The following CTNND2 variants were observed in gnomAD, a reference collection of about 807,000 sequenced individuals.
The protein encoded by CTNND2 is catenin delta 2.
Under a neutral mutation model 144.4 loss-of-function variants are expected in CTNND2, and 22 were observed. The ratio of observed to expected loss-of-function variants is 0.15; its 90% CI spans 0.11 to 0.22. The LOEUF (loss-of-function observed/expected upper bound fraction) is 0.22. Ranked by LOEUF, CTNND2 falls within the 10% of genes least tolerant of loss-of-function variation. The pLI, the probability that CTNND2 is intolerant of heterozygous loss-of-function variation, is 1.00. For synonymous variants in CTNND2, 751 were observed against 695.6 expected, an observed-to-expected ratio of 1.08 and a Z score of -1.25; for missense variants, 1,353 against 1,618.8, an observed-to-expected ratio of 0.84 and a Z score of 2.82.
At chr5:11,880,656 A>AC (rs1339370390) in intron 1 of CTNND2, among the ~76,000 whole-genome samples, 26 of 128,550 alleles carry the variant, frequency 2.0e-4, no homozygotes, top group African/African-American at 6.4e-4. Context: ...CACTACTACT[A>AC]TCACCACTAC....
chr5:11,048,164 T>C (rs1745473882), intron 16 of CTNND2, among the ~76,000 whole-genome samples: 1 of 152,086 alleles, frequency 6.6e-6, no homozygotes, highest in African/African-American at 2.4e-5. Flanking sequence ...CTGGCCTGGA[T>C]CAAGGTCCAT....
chr5:11,429,448 G>A (rs572959542), intron 3 of CTNND2, among the ~76,000 whole-genome samples: 15 of 151,910 alleles, frequency 9.9e-5, no homozygotes, highest in South Asian at 2.1e-4. Flanking sequence ...TGTTTAAGGC[G>A]CCGGGGCAGA....
chr5:11,173,161 G>A (rs1049295474), intron 11 of CTNND2, among the ~76,000 whole-genome samples: 4 of 152,200 alleles, frequency 2.6e-5, no homozygotes, highest in Non-Finnish European at 4.4e-5. Flanking sequence ...CGAACTTCCC[G>A]GGTACCCGTG....
chr5:11,075,292 G>A (rs1748822999), intron 16 of CTNND2, among the ~76,000 whole-genome samples: 1 of 152,176 alleles, frequency 6.6e-6, no homozygotes, highest in South Asian at 2.1e-4. Flanking sequence ...GGGAGAGAAG[G>A]CATTGGCTGG....
chr5:11,397,347 C>A (rs1367242835), intron 5 of CTNND2, 144 bp from the exon 6 acceptor site: 1 of 633,198 alleles, frequency 1.6e-6, no homozygotes, highest in East Asian at 3.1e-5. Flanking sequence ...CTAAAATGAC[C>A]ATATAATTTG....
At chr5:11,466,961 C>T (rs1766741137) in intron 3 of CTNND2, among the ~76,000 whole-genome samples, 1 of 152,222 alleles carries the variant, frequency 6.6e-6, no homozygotes, top group Non-Finnish European at 1.5e-5. Flanking sequence ...CCCAGGATAA[C>T]AAGTATTGTG....
chr5:11,145,010 C>A (rs1757110383), intron 12 of CTNND2, among the ~76,000 whole-genome samples: 1 of 151,990 alleles, frequency 6.6e-6, no homozygotes, highest in Non-Finnish European at 1.5e-5. Flanking sequence ...CTATGCCAAG[C>A]AATTTATGTG....
intron 9 of CTNND2, among the ~76,000 whole-genome samples, chr5:11,268,242 G>C (rs1296274708): frequency 3.9e-5 from 6 of 152,268 alleles, no homozygotes; most frequent in African/African-American, 1.4e-4. Flanking sequence ...AGTTTAAATA[G>C]TAATTTCAGT....
Position 10,981,823 on chromosome 5 carries a change from A to C in CTNND2, c.3367T>G (p.Leu1123Val). 6.2e-7 allele frequency: 1 copy of C among 1,613,986 alleles called. No homozygotes were observed. Among genetic ancestry groups the C allele is most frequent in the Non-Finnish European group, 8.5e-7 (1 of 1,179,906 alleles). Residue 1123 changes from leucine (L) to valine (V), a missense_variant, in exon 21 of 22, where the codon TTG becomes GTG. By Grantham distance (32) the Leu-to-Val change is conservative. Transcript: ENST00000304623. ...MTAQNTGIST[L>V]YRNSYGAPAE... ...GGCGCACCATAAGAATTCCTATACA[A>C]AGTTGAAATTCCAGTGTTTTGAGCT... is the stretch of plus-strand genomic sequence containing the variant.
Position 11,349,339 on chromosome 5 carries a change from G to A in CTNND2, c.1373-2712C>T, listed in dbSNP as rs1755105660. Among the ~76,000 whole-genome samples, 3 of 152,238 alleles carry A rather than the reference G, an allele frequency of 2.0e-5. No homozygotes were observed. In the South Asian group the frequency reaches 6.2e-4, roughly 32 times the overall value. On this transcript the variant is annotated intron_variant, in intron 8 of 21. Coordinates refer to ENST00000304623, the MANE Select transcript of CTNND2 (RefSeq NM_001332.4). Reference sequence around the variant, plus strand: ...TTTTGAGTGCTGGGCTCTGTTGTAAGTGCTTTATTTGTATAAATTCATGTT... The same window carrying A: ...TTTTGAGTGCTGGGCTCTGTTGTAAATGCTTTATTTGTATAAATTCATGTT...
intron 1 of CTNND2, among the ~76,000 whole-genome samples, chr5:11,844,499 A>G (rs1794641721): frequency 6.6e-6 from 1 of 152,152 alleles, no homozygotes; most frequent in African/African-American, 2.4e-5. Context: ...ATTAAAATGA[A>G]AGCAATCATC....
intron 3 of CTNND2, among the ~76,000 whole-genome samples, chr5:11,508,909 T>C (rs1220888730): frequency 6.7e-6 from 1 of 148,610 alleles, no homozygotes; most frequent in African/African-American, 2.5e-5. Context: ...AGACTCGTTT[T>C]CAAAAAAAAA....
At chr5:10,990,320 C>CTGT (rs1182412413) in intron 19 of CTNND2, among the ~76,000 whole-genome samples, 1 of 152,212 alleles carries the variant, frequency 6.6e-6, no homozygotes, top group East Asian at 1.9e-4. Context: ...GATTGGGGTT[C>CTGT]TGTTGCTTGG....
At chr5:11,197,378 A>AT (rs1561006104) in intron 11 of CTNND2, among the ~76,000 whole-genome samples, 1 of 152,242 alleles carries the variant, frequency 6.6e-6, no homozygotes, top group Admixed American at 6.5e-5. Flanking sequence ...AAAAGACAGC[A>AT]TTTCGTCTAG....
intron 2 of CTNND2, among the ~76,000 whole-genome samples, chr5:11,669,026 T>C (rs1581695965): frequency 6.6e-6 from 1 of 152,196 alleles, no homozygotes; most frequent in African/African-American, 2.4e-5. Flanking sequence ...GATAATCATG[T>C]GGTTTTTGTC....
intron 12 of CTNND2, among the ~76,000 whole-genome samples, chr5:11,122,152 T>C (rs1432791192): frequency 2.0e-5 from 3 of 151,932 alleles, no homozygotes; most frequent in African/African-American, 7.3e-5. Context: ...AGAATAAATA[T>C]CAGATGTTTG....
intron 10 of CTNND2, among the ~76,000 whole-genome samples, chr5:11,218,221 G>A (rs1283631096): frequency 6.6e-6 from 1 of 152,066 alleles, no homozygotes; most frequent in Admixed American, 6.6e-5. Flanking sequence ...GGTAGCATCA[G>A]GGAAATATTT....
chr5:11,242,932 A>C (rs1742605998), intron 9 of CTNND2, among the ~76,000 whole-genome samples: 1 of 152,218 alleles, frequency 6.6e-6, no homozygotes, highest in Non-Finnish European at 1.5e-5. Context: ...TAAAATGCCA[A>C]AATAAAATAA....
intron 2 of CTNND2, among the ~76,000 whole-genome samples, chr5:11,662,788 A>G (rs1783345172): frequency 6.6e-6 from 1 of 152,122 alleles, no homozygotes. Flanking sequence ...GGGCAGTTTC[A>G]TCCCCAAAAC....
Sources: allele counts gnomAD v4.1 joint callset (sites outside exome capture counted in the v4.1 genomes callset), GRCh38; gene constraint gnomAD v4.1.1; transcripts MANE v1.5; gene names NCBI Gene and HGNC (gene_info 2026-07-23, HGNC 2026-07-21).